BACH2: variants seen among roughly 807,000 people sequenced by gnomAD.
BACH2 encodes the protein BACH transcriptional regulator 2, also known as transcription regulator protein BACH2.
Under a neutral mutation model 61.8 loss-of-function variants are expected in BACH2, and 5 were observed. The observed-to-expected ratio is 0.08, with a 90% CI of 0.04 to 0.17. The LOEUF (loss-of-function observed/expected upper bound fraction) is 0.17. BACH2 is among the 10% of genes least tolerant of loss of function. The pLI is 1.00. For synonymous variants in BACH2, 446 were observed against 440.1 expected (o/e 1.01, Z -0.17); for missense variants, 824 against 1,091.1 (o/e 0.76, Z 3.45).
intron 3 of BACH2, among the ~76,000 whole-genome samples, chr6:90,232,445 T>A (rs1315447637): frequency 6.6e-6 from 1 of 152,204 alleles, no homozygotes; most frequent in Non-Finnish European, 1.5e-5. Context: ...TGTTTAAAAT[T>A]TAGCAGAAAT....
intron 3 of BACH2, among the ~76,000 whole-genome samples, chr6:90,223,753 G>T (rs1311505535): frequency 6.6e-6 from 1 of 152,106 alleles, no homozygotes; most frequent in Admixed American, 6.5e-5. Flanking sequence ...GGGATTACAG[G>T]TATGAGCCAC....
At chr6:89,977,895 T>C (rs1775740724) in intron 6 of BACH2, among the ~76,000 whole-genome samples, 1 of 152,182 alleles carries the variant, frequency 6.6e-6, no homozygotes, top group African/African-American at 2.4e-5. Context: ...ATAAAAGGCC[T>C]CTGGGAAAAG....
chr6:89,935,225 C>T (rs548656864), intron 8 of BACH2, among the ~76,000 whole-genome samples: 5 of 152,192 alleles, frequency 3.3e-5, no homozygotes, highest in East Asian at 3.9e-4. Flanking sequence ...AGCATCCTCA[C>T]CACAGGGTGG....
At chr6:90,040,429 C>G (rs988128293) in intron 5 of BACH2, among the ~76,000 whole-genome samples, 4 of 152,024 alleles carry the variant, frequency 2.6e-5, no homozygotes, top group Non-Finnish European at 5.9e-5. Context: ...CTGACTTGCC[C>G]ATTAATGCCA....
intron 4 of BACH2, among the ~76,000 whole-genome samples, chr6:90,174,994 G>A (rs1767940008): frequency 2.0e-5 from 3 of 152,030 alleles, no homozygotes; most frequent in African/African-American, 7.2e-5. Context: ...AAAACAATAG[G>A]AGAGAGGTAC....
chr6:90,240,703 G>C (rs1770421394), intron 3 of BACH2, among the ~76,000 whole-genome samples: 1 of 152,040 alleles, frequency 6.6e-6, no homozygotes, highest in South Asian at 2.1e-4. Flanking sequence ...TCAACATGTA[G>C]ACTGTCTGCT....
intron 4 of BACH2, among the ~76,000 whole-genome samples, chr6:90,119,823 T>C (rs902872617): frequency 3.3e-5 from 5 of 152,176 alleles, no homozygotes; most frequent in Admixed American, 1.3e-4. Context: ...GACTGGGACA[T>C]TTCTAGATAA....
intron 5 of BACH2, among the ~76,000 whole-genome samples, chr6:90,086,268 A>G (rs1456725969): frequency 6.6e-6 from 1 of 152,132 alleles, no homozygotes; most frequent in African/African-American, 2.4e-5. Context: ...ACCTCTGGCT[A>G]CTGTGAATAA....
chr6:90,038,433 G>C (rs1385705734), intron 5 of BACH2, among the ~76,000 whole-genome samples: 4 of 152,098 alleles, frequency 2.6e-5, no homozygotes, highest in Non-Finnish European at 4.4e-5. Flanking sequence ...CTGGCTTCTT[G>C]TGCTCAACAT....
intron 4 of BACH2, among the ~76,000 whole-genome samples, chr6:90,110,190 G>T (rs913943749): frequency 6.6e-6 from 1 of 152,178 alleles, no homozygotes; most frequent in East Asian, 1.9e-4. Context: ...TACATAGTTG[G>T]AAATGGGTGA....
chr6:90,076,171 G>A (rs1781463167), intron 5 of BACH2, among the ~76,000 whole-genome samples: 1 of 152,196 alleles, frequency 6.6e-6, no homozygotes, highest in Non-Finnish European at 1.5e-5. Flanking sequence ...AGGGATGGAA[G>A]GTGATGAGGG....
At chr6:90,292,631 A>G (rs1007242179) in intron 1 of BACH2, among the ~76,000 whole-genome samples, 6 of 152,200 alleles carry the variant, frequency 3.9e-5, no homozygotes, top group African/African-American at 1.2e-4. Flanking sequence ...TTTTCCAGGT[A>G]GTTGTAACCA....
chr6:89,932,700 T>C lies in BACH2; in HGVS notation c.2234A>G (p.Asn745Ser). Residue 745 changes from asparagine to serine, a missense_variant, in exon 9 of 9, where the codon AAC becomes AGC. Asn to Ser is a conservative substitution (Grantham distance 46). Coordinates refer to ENST00000257749, the MANE Select transcript of BACH2 (RefSeq NM_021813.4). ...CTGCTCAGCACCCAAGGGCGCAGGG[T>C]TAATACTGGAGGCCGTGGGCAAGTC... ...PMDLPTASSI[N>S]PAPLGAEQNI... is the part of the protein sequence containing the mutation. 1 of 1,614,046 alleles carries C rather than the reference T, an allele frequency of 6.2e-7. No individual in the cohort carries two copies. The highest frequency in any genetic ancestry group is 1.3e-5 in the African/African-American group (1 of 74,996).
chr6:90,231,985 CAGAGAGAGAGAGAG>C (rs542457957), intron 3 of BACH2, among the ~76,000 whole-genome samples: 4 of 149,258 alleles, frequency 2.7e-5, no homozygotes, highest in Admixed American at 6.7e-5. Context: ...GAGAGAGAGA[CAGAGAGAGAGAGAG>C]AGAGAGAGAG....
chr6:90,269,024 C>T (rs2127880154), intron 2 of BACH2, among the ~76,000 whole-genome samples: 1 of 152,236 alleles, frequency 6.6e-6, no homozygotes, highest in East Asian at 1.9e-4. Context: ...CCATACAACT[C>T]CAAAACCAGC....
Position 89,958,151 on chromosome 6 carries a change from T to C in BACH2, c.244-6289A>G, listed in dbSNP as rs74627006. Among the ~76,000 whole-genome samples, 131 of 152,316 alleles carry C rather than the reference T, an allele frequency of 8.6e-4. 2 individuals are homozygous for C. In the East Asian group the frequency reaches 0.023, roughly 26 times the overall value. The stretch of plus-strand genomic sequence containing the variant: ...TTATAATTTTTTTGTTTACTAATTT[T>C]ATTTTATTTTTTAGAGATGAGGTCT... On this transcript the variant is annotated intron_variant, in intron 6 of 8. Transcript: ENST00000257749.
chr6:89,970,552 TATA>T (rs1274775793), intron 6 of BACH2, among the ~76,000 whole-genome samples: 1 of 152,248 alleles, frequency 6.6e-6, no homozygotes, highest in Non-Finnish European at 1.5e-5. Flanking sequence ...TGTTTTTTAT[TATA>T]ATGTTTGTGT....
intron 4 of BACH2, among the ~76,000 whole-genome samples, chr6:90,126,221 T>C (rs1783844353): frequency 6.6e-6 from 1 of 152,218 alleles, no homozygotes; most frequent in South Asian, 2.1e-4. Flanking sequence ...ACAAAGCACA[T>C]ATACCTTAAG....
intron 4 of BACH2, among the ~76,000 whole-genome samples, chr6:90,180,561 A>C (rs1274446805): frequency 6.6e-6 from 1 of 152,064 alleles, no homozygotes; most frequent in Non-Finnish European, 1.5e-5. Context: ...TCCAATGTCC[A>C]TTACACCACT....
Sources: allele counts gnomAD v4.1 joint callset (sites outside exome capture counted in the v4.1 genomes callset), GRCh38; gene constraint gnomAD v4.1.1; transcripts MANE v1.5; gene names NCBI Gene and HGNC (gene_info 2026-07-23, HGNC 2026-07-21).